Variants in LDHB observed in about 807,000 individuals in gnomAD.
The protein encoded by LDHB is L-lactate dehydrogenase B chain.
LDHB carries 18 observed loss-of-function variants against 33.4 expected under a neutral mutation model. The ratio of observed to expected loss-of-function variants is 0.54; its 90% confidence interval spans 0.37 to 0.80. The LOEUF (loss-of-function observed/expected upper bound fraction) is 0.80, where lower values mean the gene tolerates loss of function less well. Among genes scored for constraint, LDHB ranks in the 30% least tolerant of loss-of-function variants. The pLI is 0.00. For missense variants in LDHB, 345 were observed against 407.9 expected (o/e 0.85, Z 1.33); for synonymous variants, 121 against 140.6 (o/e 0.86, Z 0.98).
intron 4 of LDHB, 116 bp from the exon 5 acceptor site, chr12:21,642,241 G>C: frequency 2.8e-6 from 2 of 722,104 alleles, no homozygotes; most frequent in Non-Finnish European, 5.0e-6. Flanking sequence ...ATGAGATGTG[G>C]CCAGAAAGAT....
intron 3 of LDHB, among the ~76,000 whole-genome samples, chr12:21,645,801 T>C (rs148998831): frequency 6.9e-4 from 103 of 149,740 alleles, no homozygotes; most frequent in African/African-American, 2.4e-3. Flanking sequence ...GGGTCCTCCG[T>C]ATGCTGAGTG....
intron 2 of LDHB, among the ~76,000 whole-genome samples, chr12:21,651,297 A>G (rs1455283225): frequency 6.6e-6 from 1 of 152,202 alleles, no homozygotes; most frequent in Non-Finnish European, 1.5e-5. Flanking sequence ...GCATATGTGC[A>G]CTGTAAAATG....
chr12:21,639,152 T>A (rs1938294422), intron 5 of LDHB, among the ~76,000 whole-genome samples: 1 of 151,978 alleles, frequency 6.6e-6, no homozygotes, highest in Non-Finnish European at 1.5e-5. Context: ...TAAGATCCCC[T>A]ATTAGTCCAC....
intron 2 of LDHB, among the ~76,000 whole-genome samples, chr12:21,648,359 C>T (rs1273740312): frequency 6.6e-6 from 1 of 152,072 alleles, no homozygotes; most frequent in Non-Finnish European, 1.5e-5. Context: ...ACAGTATTCA[C>T]CGGATGCAAA....
intron 3 of LDHB, among the ~76,000 whole-genome samples, chr12:21,646,170 AGAG>A (rs1258338342): frequency 6.6e-6 from 1 of 152,316 alleles, no homozygotes; most frequent in East Asian, 1.9e-4. Context: ...CTGAGGGAGG[AGAG>A]GAGAATGATG....
rs766556288 is a variant in LDHB at position 21,654,718 on chromosome 12, A to G, written c.-6-41T>C. The G allele has an allele frequency of 6.6e-6, 10 of 1,508,788 alleles. No individual in the cohort carries two copies. The South Asian group carries it at 6.8e-5, about 10-fold the overall frequency. The allele number at this position is 1,508,788 out of a possible 1,614,324, so 93.5% of individuals were successfully genotyped here. On this transcript the variant is annotated intron_variant, in intron 1 of 7. Transcript: ENST00000350669. ...CAAAACATTACACGTATATCTGCATATGAAATCCAAATAGAAATCATCCTT... is the reference window on the plus strand; with the variant it reads ...CAAAACATTACACGTATATCTGCATGTGAAATCCAAATAGAAATCATCCTT...
intron 2 of LDHB, among the ~76,000 whole-genome samples, chr12:21,653,909 G>GT (rs1293388711): frequency 1.6e-4 from 24 of 152,204 alleles, no homozygotes; most frequent in Non-Finnish European, 1.9e-4. Context: ...GATCTTTGCA[G>GT]TGGAGAAGGC....
At chr12:21,657,339 A>G (rs374995436) in intron 1 of LDHB, 6 of 151,976 alleles carry the variant, frequency 3.9e-5, no homozygotes, top group African/African-American at 1.5e-4. Context: ...AATATATTCA[A>G]ATATTCGAGG....
In LDHB at chr12:21,644,037, G is replaced by A. The variant is rs777954556; in HGVS notation, c.319C>T (p.Arg107Trp). The change falls in exon 4 of 8, where the codon CGG (arginine) becomes TGG (tryptophan). Residue 107 changes from arginine to tryptophan, a missense_variant. Arg to Trp is a moderately radical substitution (Grantham distance 101, BLOSUM62 -3). Coordinates refer to ENST00000350669, the MANE Select transcript of LDHB (RefSeq NM_002300.8). ...AGVRQQEGES[R>W]LNLVQRNVNV... Reference sequence around the variant, plus strand: ...ACATTTCTCTGCACCAGATTGAGCCGACTCTCCCCTTCTTGCTGACGGACT... The same window carrying A: ...ACATTTCTCTGCACCAGATTGAGCCAACTCTCCCCTTCTTGCTGACGGACT... 6.8e-6 allele frequency: 11 copies of A among 1,612,222 alleles called. No individual in the cohort carries two copies. Among genetic ancestry groups the A allele is most frequent in the Admixed American group, 1.7e-5 (1 of 59,990 alleles).
intron 3 of LDHB, among the ~76,000 whole-genome samples, chr12:21,646,653 AGT>A (rs1283291523): frequency 6.6e-6 from 1 of 152,204 alleles, no homozygotes; most frequent in East Asian, 1.9e-4. Context: ...ACAGTAGAGA[AGT>A]AAGAGCTTTT....
chr12:21,638,260 G>A (rs1938271187), intron 6 of LDHB, 93 bp downstream of exon 6: 2 of 789,442 alleles, frequency 2.5e-6, no homozygotes, highest in South Asian at 2.8e-5. Context: ...TACATTAAGA[G>A]TTTATCTGAG....
intron 3 of LDHB, among the ~76,000 whole-genome samples, chr12:21,645,082 C>T (rs749033046): frequency 6.6e-6 from 1 of 152,164 alleles, no homozygotes; most frequent in Non-Finnish European, 1.5e-5. Flanking sequence ...ACCCCCACCC[C>T]TGCGCTCCCT....
At chr12:21,637,345 G>T (rs1027547362) in intron 6 of LDHB, 151 bp from the exon 7 acceptor site, 3 of 629,592 alleles carry the variant, frequency 4.8e-6, no homozygotes, top group Admixed American at 2.6e-5. Flanking sequence ...AGTGTTAAAT[G>T]AATTAATATA....
chr12:21,637,901 G>GAA (rs11437489), intron 6 of LDHB, among the ~76,000 whole-genome samples: 115 of 151,160 alleles, frequency 7.6e-4, no homozygotes, highest in South Asian at 6.7e-3. Context: ...TCAAATTCCT[G>GAA]AAAAAAAAAT....
At chr12:21,639,335 G>A (rs1677126) in intron 5 of LDHB, among the ~76,000 whole-genome samples, 143,682 of 152,014 alleles carry the variant, frequency 0.95, 68,397 homozygotes, top group East Asian at 1. Context: ...CAGCCATAAT[G>A]TAATAGAACA....
chr12:21,656,785 A>G (rs997483871), intron 1 of LDHB, among the ~76,000 whole-genome samples: 15 of 152,210 alleles, frequency 9.9e-5, no homozygotes, highest in African/African-American at 3.6e-4. Flanking sequence ...GCTGTAAGGA[A>G]CAAGAACGAC....
intron 3 of LDHB, among the ~76,000 whole-genome samples, chr12:21,644,701 T>A (rs1171840885): frequency 6.6e-6 from 1 of 152,190 alleles, no homozygotes; most frequent in South Asian, 2.1e-4. Context: ...TCAACAGCTA[T>A]GGATGATTCA....
chr12:21,653,893 G>A (rs1938761800), intron 2 of LDHB, among the ~76,000 whole-genome samples: 1 of 152,150 alleles, frequency 6.6e-6, no homozygotes. Flanking sequence ...TTAAAAGAGG[G>A]AAAGGGATCT....
At chr12:21,649,414 A>G (rs1938619187) in intron 2 of LDHB, among the ~76,000 whole-genome samples, 1 of 152,216 alleles carries the variant, frequency 6.6e-6, no homozygotes, top group Non-Finnish European at 1.5e-5. Flanking sequence ...TACTGGTGCT[A>G]TTGTTTGGCT....
Sources: gnomAD v4.1 joint callset for allele counts (sites outside exome capture counted in the v4.1 genomes callset) on GRCh38, gnomAD v4.1.1 for gene constraint, MANE v1.5 for transcripts, NCBI Gene and HGNC (gene_info 2026-07-23, HGNC 2026-07-21) for gene names.